Variants in A4GALT observed in about 807,000 individuals in gnomAD.
A4GALT encodes the protein alpha 1,4-galactosyltransferase (P1PK blood group).
For synonymous variants in A4GALT, 257 were observed against 220.7 expected, an observed-to-expected ratio of 1.16 and a Z score of -1.46; for missense variants, 512 against 486.0, an observed-to-expected ratio of 1.05 and a Z score of -0.50.
At chr22:42,713,832 A>G (rs866394870) in intron 1 of A4GALT, among the ~76,000 whole-genome samples, 47 of 101,370 alleles carry the variant, frequency 4.6e-4, no homozygotes, top group Middle Eastern at 0.011. Flanking sequence ...AAAAAAAAAG[A>G]CAGACAGACA....
At chr22:42,700,034 G>A (rs1931193893) in intron 1 of A4GALT, among the ~76,000 whole-genome samples, 1 of 152,168 alleles carries the variant, frequency 6.6e-6, no homozygotes, top group African/African-American at 2.4e-5. Context: ...CTAACCCAGG[G>A]GCCTACACCA....
intron 2 of A4GALT, among the ~76,000 whole-genome samples, chr22:42,694,311 C>T (rs918806476): frequency 1.3e-5 from 2 of 152,260 alleles, no homozygotes; most frequent in African/African-American, 2.4e-5. Flanking sequence ...GTCTGGTCTG[C>T]GTAAGGACTG....
chr22:42,705,186 T>C (rs1186382879), intron 1 of A4GALT, among the ~76,000 whole-genome samples: 1 of 152,108 alleles, frequency 6.6e-6, no homozygotes, highest in Non-Finnish European at 1.5e-5. Context: ...TCCTGTTAAT[T>C]GCCACTCCAG....
intron 1 of A4GALT, among the ~76,000 whole-genome samples, chr22:42,716,487 A>G (rs1922189528): frequency 6.6e-6 from 1 of 152,150 alleles, no homozygotes; most frequent in Admixed American, 6.6e-5. Context: ...GACTTGTTCA[A>G]TCCCTCACCA....
chr22:42,693,757 T>C lies in A4GALT; in HGVS notation c.195A>G (p.Thr65=). 6.3e-7 allele frequency: 1 copy of C among 1,598,024 alleles called. No individual in the cohort carries two copies. Among genetic ancestry groups the C allele is most frequent in the South Asian group, 1.1e-5 (1 of 90,078 alleles). Residue 65 remains threonine, a synonymous_variant, in exon 3 of 3, where the codon ACA becomes ACG. Coordinates refer to ENST00000642412, the MANE Select transcript of A4GALT (RefSeq NM_017436.7). ...LPAEIPCPTL[T]PPTPPSHGPT... ...GGCCGTGGGAGGGTGGGGTGGGGGGTGTCAAGGTGGGGCAGGGGATCTCTG... is the reference window on the plus strand; with the variant it reads ...GGCCGTGGGAGGGTGGGGTGGGGGGCGTCAAGGTGGGGCAGGGGATCTCTG...
intron 1 of A4GALT, among the ~76,000 whole-genome samples, chr22:42,714,306 A>AAAAG (rs1569067753): frequency 1.4e-5 from 2 of 145,448 alleles, no homozygotes; most frequent in Admixed American, 6.8e-5. Context: ...AAAAAAAAAA[A>AAAAG]GGCAGGAATG....
In A4GALT at chr22:42,693,897, G is replaced by A. The variant is rs199938085; in HGVS notation, c.55C>T (p.Arg19Trp). Residue 19 changes from arginine (R) to tryptophan (W), a missense_variant, in exon 3 of 3, where the codon CGG becomes TGG. Arg to Trp is a moderately radical substitution (Grantham distance 101). Transcript: ENST00000642412. ...LRLLRGAPRQ[R>W]VCTLFIIGFK... ...CCGATGATGAACAGGGTGCAGACCCGCTGCCTTGGGGCGCCCCGGAGCAGC... is the reference window on the plus strand; with the variant it reads ...CCGATGATGAACAGGGTGCAGACCCACTGCCTTGGGGCGCCCCGGAGCAGC... The A allele has an allele frequency of 1.6e-5, 25 of 1,608,448 alleles. No individual in the cohort carries two copies. Among genetic ancestry groups the A allele is most frequent in the Non-Finnish European group, 2.1e-5 (25 of 1,178,162 alleles).
In A4GALT at chr22:42,693,745, T is replaced by TG; in HGVS notation, c.206dup (p.Pro70ThrfsTer213). 2 of 241,984 alleles carry TG rather than the reference T, an allele frequency of 8.3e-6. No individual in the cohort carries two copies. Among genetic ancestry groups the TG allele is most frequent in the Non-Finnish European group, 7.6e-6 (1 of 130,872 alleles). The allele number at this position is 241,984 out of a possible 1,614,324, so 15.0% of individuals were successfully genotyped here. ...TGCCTGGAGTGGGGCCGTGGGAGGGTGGGGTGGGGGGTGTCAAGGTGGGGC... is the reference window on the plus strand; with the variant it reads ...TGCCTGGAGTGGGGCCGTGGGAGGGTGGGGGTGGGGGGTGTCAAGGTGGGGC... On this transcript the variant is annotated frameshift_variant, in exon 3 of 3. Coordinates refer to ENST00000642412, the MANE Select transcript of A4GALT (RefSeq NM_017436.7). LOFTEE classifies it low-confidence loss of function (END_TRUNC).
intron 1 of A4GALT, among the ~76,000 whole-genome samples, chr22:42,711,729 G>A (rs1921714710): frequency 6.6e-6 from 1 of 152,214 alleles, no homozygotes; most frequent in South Asian, 2.1e-4. Flanking sequence ...CACTTCCTGG[G>A]TTGAAGAGAT....
chr22:42,707,083 C>G (rs909888183), intron 1 of A4GALT, among the ~76,000 whole-genome samples: 1 of 151,972 alleles, frequency 6.6e-6, no homozygotes, highest in South Asian at 2.1e-4. Flanking sequence ...GTAGCATGAA[C>G]AGAAATAAGA....
At chr22:42,695,132 T>C (rs925631064) in intron 2 of A4GALT, 1 of 152,196 alleles carries the variant, frequency 6.6e-6, no homozygotes, top group Non-Finnish European at 1.5e-5. Flanking sequence ...TGGAGGAACT[T>C]GGTGCATGCT....
chr22:42,708,168 A>G (rs1354020082), intron 1 of A4GALT, among the ~76,000 whole-genome samples: 1 of 150,960 alleles, frequency 6.6e-6, no homozygotes, highest in Non-Finnish European at 1.5e-5. Flanking sequence ...CAGGCAGATC[A>G]CCTGAGGTTG....
intron 1 of A4GALT, chr22:42,718,371 C>T (rs1378975824): frequency 6.6e-6 from 1 of 152,236 alleles, no homozygotes; most frequent in Admixed American, 6.5e-5. Context: ...AAATGATTCT[C>T]CTGCCTCAGC....
intron 2 of A4GALT, among the ~76,000 whole-genome samples, chr22:42,694,273 T>C (rs1275156293): frequency 6.6e-6 from 1 of 152,236 alleles, no homozygotes; most frequent in East Asian, 1.9e-4. Context: ...CCACCCATGG[T>C]GTGTAACCAT....
intron 1 of A4GALT, among the ~76,000 whole-genome samples, chr22:42,711,820 A>G (rs1432261666): frequency 1.3e-5 from 2 of 151,574 alleles, no homozygotes; most frequent in African/African-American, 2.4e-5. Context: ...TTTTAGTTTT[A>G]CCATGTTGGC....
At chr22:42,698,467 G>A (rs964593954) in intron 1 of A4GALT, among the ~76,000 whole-genome samples, 2 of 152,164 alleles carry the variant, frequency 1.3e-5, no homozygotes, top group South Asian at 2.1e-4. Flanking sequence ...CAGTAAGGGC[G>A]CTACCCCTCC....
At chr22:42,712,123 C>T (rs927011682) in intron 1 of A4GALT, among the ~76,000 whole-genome samples, 1 of 152,214 alleles carries the variant, frequency 6.6e-6, no homozygotes, top group African/African-American at 2.4e-5. Context: ...TACCTGACTA[C>T]TTGCCAGTCC....
Position 42,693,012 on chromosome 22 carries a change from C to T in A4GALT, c.940G>A (p.Val314Ile), listed in dbSNP as rs1044493944. The T allele has an allele frequency of 1.5e-5, 24 of 1,613,590 alleles. No individual in the cohort carries two copies. The highest frequency in any genetic ancestry group is 1.9e-5 in the Non-Finnish European group (23 of 1,179,990). Residue 314 changes from valine (V) to isoleucine (I), a missense_variant, in exon 3 of 3, where the codon GTC becomes ATC. By Grantham distance (29) the Val-to-Ile change is conservative (BLOSUM62 3). Transcript: ENST00000642412. ...TGGCTCTTCTTGTTCCACACGTGGA[C>T]AGCATAGGTGGCACTGAGCAGCCGC... The part of the protein sequence containing the change: ...LPRLLSATYA[V>I]HVWNKKSQGT...
intron 1 of A4GALT, among the ~76,000 whole-genome samples, chr22:42,706,088 G>A (rs1170743418): frequency 2.6e-5 from 3 of 113,398 alleles, no homozygotes; most frequent in East Asian, 2.3e-4. Context: ...GGGTGCGGTG[G>A]CTCACGCCTG....
Sources: allele counts gnomAD v4.1 joint callset (sites outside exome capture counted in the v4.1 genomes callset), GRCh38; gene constraint gnomAD v4.1.1; transcripts MANE v1.5; gene names NCBI Gene and HGNC (gene_info 2026-07-23, HGNC 2026-07-21).